Variants in ROR2 observed in about 807,000 individuals in gnomAD.
ROR2 encodes ROR family WNT receptor 2.
A neutral mutation model predicts 74.9 loss-of-function variants in ROR2; 33 were observed. The ratio of observed to expected loss-of-function variants is 0.44; its 90% CI spans 0.33 to 0.59. The LOEUF (loss-of-function observed/expected upper bound fraction) is 0.59, where lower values mean the gene tolerates loss of function less well. Ranked by LOEUF, ROR2 falls within the 20% of genes least tolerant of loss-of-function variation. The probability of loss-of-function intolerance (pLI) is 0.02; values close to 1 mark genes in which losing one functional copy is unlikely to be tolerated. For missense variants in ROR2, 1,216 were observed against 1,313.8 expected, an observed-to-expected ratio of 0.93 and a Z score of 1.15; for synonymous variants, 586 against 558.7, an observed-to-expected ratio of 1.05 and a Z score of -0.69.
chr9:91,747,144 A>G (rs1356269358), intron 4 of ROR2, among the ~76,000 whole-genome samples: 2 of 152,234 alleles, frequency 1.3e-5, no homozygotes, highest in Non-Finnish European at 2.9e-5. Flanking sequence ...AAGCACGACC[A>G]ACACTGCCGC....
intron 1 of ROR2, chr9:91,923,932 G>C (rs1179079047): frequency 6.6e-6 from 1 of 152,272 alleles, no homozygotes; most frequent in Non-Finnish European, 1.5e-5. Flanking sequence ...GTGGCTCCTG[G>C]AATGAGAGCC....
intron 1 of ROR2, among the ~76,000 whole-genome samples, chr9:91,937,654 C>A (rs1392954825): frequency 6.6e-6 from 1 of 152,134 alleles, no homozygotes; most frequent in Non-Finnish European, 1.5e-5. Flanking sequence ...TCCCCAGGAG[C>A]TTCAAGAAAG....
intron 1 of ROR2, among the ~76,000 whole-genome samples, chr9:91,882,836 G>C: frequency 6.6e-6 from 1 of 152,116 alleles, no homozygotes; most frequent in East Asian, 1.9e-4. Flanking sequence ...CAAGGAGAAA[G>C]GCAGGAGAAG....
chr9:91,873,360 G>A (rs1829861943), intron 1 of ROR2, among the ~76,000 whole-genome samples: 1 of 152,162 alleles, frequency 6.6e-6, no homozygotes, highest in African/African-American at 2.4e-5. Flanking sequence ...GGCTGAGGCG[G>A]GTGGATCACC....
intron 1 of ROR2, among the ~76,000 whole-genome samples, chr9:91,810,328 T>C (rs1394136491): frequency 2.0e-5 from 3 of 151,938 alleles, no homozygotes; most frequent in African/African-American, 7.3e-5. Context: ...GGTGAGAGAG[T>C]TCACGTGGCA....
chr9:91,805,555 A>C (rs971767575), intron 1 of ROR2, among the ~76,000 whole-genome samples: 1 of 152,240 alleles, frequency 6.6e-6, no homozygotes, highest in Admixed American at 6.5e-5. Flanking sequence ...CACTCTCCAC[A>C]TGAAAGCTGG....
At chr9:91,927,704 C>T (rs1247547630) in intron 1 of ROR2, among the ~76,000 whole-genome samples, 1 of 151,708 alleles carries the variant, frequency 6.6e-6, no homozygotes, top group Non-Finnish European at 1.5e-5. Flanking sequence ...GCTAGGATTA[C>T]AGGTGCATGC....
chr9:91,887,156 G>A (rs2119386085), intron 1 of ROR2: 3 of 152,294 alleles, frequency 2.0e-5, no homozygotes, highest in Admixed American at 2.0e-4. Flanking sequence ...AATCTTTTGA[G>A]AGTTCCATTT....
At chr9:91,748,427 T>C (rs1259726711) in intron 4 of ROR2, among the ~76,000 whole-genome samples, 1 of 152,208 alleles carries the variant, frequency 6.6e-6, no homozygotes, top group Non-Finnish European at 1.5e-5. Flanking sequence ...CACTGGAATA[T>C]AGATAATTTT....
chr9:91,849,602 C>A (rs987165992), intron 1 of ROR2, among the ~76,000 whole-genome samples: 1 of 152,202 alleles, frequency 6.6e-6, no homozygotes, highest in Non-Finnish European at 1.5e-5. Flanking sequence ...GAATATCTGA[C>A]CTTTTGTTTC....
intron 1 of ROR2, among the ~76,000 whole-genome samples, chr9:91,884,327 G>C (rs576046509): frequency 6.6e-6 from 1 of 152,032 alleles, no homozygotes; most frequent in Non-Finnish European, 1.5e-5. Flanking sequence ...ATCTCAACCA[G>C]CAGGGATGTG....
chr9:91,829,285 A>G (rs1359926193), intron 1 of ROR2, among the ~76,000 whole-genome samples: 2 of 152,140 alleles, frequency 1.3e-5, no homozygotes, highest in Non-Finnish European at 2.9e-5. Flanking sequence ...GCTCACGCCT[A>G]TAATCCTTGC....
intron 1 of ROR2, among the ~76,000 whole-genome samples, chr9:91,924,126 T>G (rs1342242993): frequency 6.6e-6 from 1 of 152,210 alleles, no homozygotes; most frequent in Non-Finnish European, 1.5e-5. Flanking sequence ...CTGCACTGAG[T>G]AGAACTGAGC....
chr9:91,838,008 C>A (rs1289578701), intron 1 of ROR2, among the ~76,000 whole-genome samples: 1 of 152,166 alleles, frequency 6.6e-6, no homozygotes, highest in Non-Finnish European at 1.5e-5. Flanking sequence ...ACTCCCCCTA[C>A]CCTCACAAAA....
At chr9:91,879,645 C>T (rs1171953729) in intron 1 of ROR2, among the ~76,000 whole-genome samples, 2 of 152,114 alleles carry the variant, frequency 1.3e-5, no homozygotes, top group Admixed American at 1.3e-4. Flanking sequence ...GTCAGCTGGG[C>T]CTTGGAAGAG....
rs1241003695 is a variant in ROR2 at position 91,724,961 on chromosome 9, G to A, written c.1533C>T (p.Asp511=). The change falls in exon 9 of 9, where the codon GAC becomes GAT. Residue 511 remains aspartate (D), a synonymous_variant. Coordinates refer to ENST00000375708, the MANE Select transcript of ROR2 (RefSeq NM_004560.4). ...TQAVAIKTLK[D]KAEGPLREEF... Reference sequence around the variant, plus strand: ...CCTCCCGCAGGGGCCCCTCCGCTTTGTCCTTCAGCGTTTTGATGGCCACAG... The same window carrying A: ...CCTCCCGCAGGGGCCCCTCCGCTTTATCCTTCAGCGTTTTGATGGCCACAG... The A allele has an allele frequency of 1.9e-6, 3 of 1,613,660 alleles. No individual in the cohort carries two copies. Among genetic ancestry groups the A allele is most frequent in the East Asian group, 4.5e-5 (2 of 44,874 alleles).
chr9:91,750,989 A>G lies in ROR2; in HGVS notation c.494+5082T>C, dbSNP rs574331820. On this transcript the variant is annotated intron_variant, in intron 4 of 8. Transcript: ENST00000375708. Reference sequence around the variant, plus strand: ...ATAATACCATGTGCTAGAAAACATGAGGAAATAATAACTCATGTGTTGCAG... The same window carrying G: ...ATAATACCATGTGCTAGAAAACATGGGGAAATAATAACTCATGTGTTGCAG... Among the ~76,000 whole-genome samples, 5 of 152,306 alleles carry G rather than the reference A, an allele frequency of 3.3e-5. No homozygotes were observed. The South Asian group carries it at 6.2e-4, about 19-fold the overall frequency.
intron 2 of ROR2, among the ~76,000 whole-genome samples, chr9:91,766,463 C>T (rs1462936483): frequency 6.6e-6 from 1 of 152,162 alleles, no homozygotes; most frequent in African/African-American, 2.4e-5. Context: ...TTTTATTGAG[C>T]ACTCATATGT....
Position 91,950,053 on chromosome 9 carries a change from T to TCC in ROR2, c.-92_-91dup. 1 of 561,060 alleles carries TCC rather than the reference T, an allele frequency of 1.8e-6. No individual in the cohort carries two copies. 34.8% of individuals were successfully genotyped at this position (561,060 alleles called of 1,614,324 possible). A position where few individuals can be genotyped will look rare whatever the true frequency, so the allele number is the denominator to read the frequency against. ...CCACCCCTTTCTACGATGCGTCCGC[T>TCC]CCTCCTTCTCCCTGGCGCTTCGCAA... On this transcript the variant is annotated 5_prime_UTR_variant, in exon 1 of 9. Coordinates refer to ENST00000375708, the MANE Select transcript of ROR2 (RefSeq NM_004560.4).
Sources: allele counts gnomAD v4.1 joint callset (sites outside exome capture counted in the v4.1 genomes callset), GRCh38; gene constraint gnomAD v4.1.1; transcripts MANE v1.5; gene names NCBI Gene and HGNC (gene_info 2026-07-23, HGNC 2026-07-21).